TRIM32: variants seen among roughly 807,000 people sequenced by gnomAD.
The protein encoded by TRIM32 is E3 ubiquitin-protein ligase TRIM32.
In TRIM32, 19 loss-of-function variants were observed where a neutral mutation model predicts 36.0. The ratio of observed to expected loss-of-function variants is 0.53; its 90% CI spans 0.37 to 0.77. TRIM32 has a LOEUF of 0.77. Among genes scored for constraint, TRIM32 ranks in the 30% least tolerant of loss-of-function variants. The probability of loss-of-function intolerance (pLI) is 0.00; values close to 1 mark genes in which losing one functional copy is unlikely to be tolerated. For missense variants in TRIM32, 747 were observed against 845.2 expected, an observed-to-expected ratio of 0.88 and a Z score of 1.44; for synonymous variants, 309 against 318.5, an observed-to-expected ratio of 0.97 and a Z score of 0.32.
In TRIM32 at chr9:116,698,082, A is replaced by C. The variant is rs1244314148; in HGVS notation, c.340A>C (p.Ser114Arg). 6.2e-7 allele frequency: 1 copy of C among 1,613,976 alleles called. No homozygotes were observed. Among genetic ancestry groups the C allele is most frequent in the Non-Finnish European group, 8.5e-7 (1 of 1,180,014 alleles). The change falls in exon 2 of 2, where the codon AGC (serine) becomes CGC (arginine). Residue 114 changes from serine to arginine, a missense_variant. Transcript: ENST00000450136. The surrounding 1 kb of genome is among the most constrained non-coding windows in gnomAD (Gnocchi z 4.4). Reference sequence around the variant, plus strand: ...GCGTCTGCCCCGGCAATTCTGCCGGAGCTGTGGTTTGGTGTTATGTGAGCC... The same window carrying C: ...GCGTCTGCCCCGGCAATTCTGCCGGCGCTGTGGTTTGGTGTTATGTGAGCC... Reference protein sequence around the residue: ...GRRLPRQFCRSCGLVLCEPCR... With the variant: ...GRRLPRQFCRRCGLVLCEPCR...
chr9:116,699,143 C>CAAACCATGGGGTATCA lies in TRIM32; in HGVS notation c.1401_1402insAAACCATGGGGTATCA (p.Gln468LysfsTer37). ...GCCACTGCGTGGCCTGTCACAGGAG[C>CAAACCATGGGGTATCA]CAGCTGAGCAAACCATGGGGTATCA... On this transcript the variant is annotated frameshift_variant, in exon 2 of 2. Coordinates refer to ENST00000450136, the MANE Select transcript of TRIM32 (RefSeq NM_012210.4). LOFTEE classifies it high-confidence loss of function. This position sits in a 1 kb window ranked among gnomAD's most constrained non-coding sequence, Gnocchi z 4.2. The CAAACCATGGGGTATCA allele has an allele frequency of 6.2e-7, 1 of 1,614,218 alleles. No homozygotes were observed. Among genetic ancestry groups the CAAACCATGGGGTATCA allele is most frequent in the Non-Finnish European group, 8.5e-7 (1 of 1,180,036 alleles).
intron 1 of TRIM32, among the ~76,000 whole-genome samples, chr9:116,690,232 T>G (rs1860498052): frequency 6.6e-6 from 1 of 152,212 alleles, no homozygotes; most frequent in South Asian, 2.1e-4. Flanking sequence ...TTATAATTTG[T>G]TGAGTGCTTA....
chr9:116,695,831 G>A (rs1045843771), intron 1 of TRIM32, among the ~76,000 whole-genome samples: 1 of 152,102 alleles, frequency 6.6e-6, no homozygotes, highest in African/African-American at 2.4e-5. Flanking sequence ...GAGTGTTCAT[G>A]GTTTGTATTG....
intron 1 of TRIM32, among the ~76,000 whole-genome samples, chr9:116,694,459 C>CCTTTT (rs1860732299): frequency 3.4e-5 from 3 of 88,038 alleles, no homozygotes; most frequent in Non-Finnish European, 6.0e-5. Flanking sequence ...TGTAATTTCT[C>CCTTTT]TTTTTTTTTT....
Position 116,698,075 on chromosome 9 carries a change from C to G in TRIM32, c.333C>G (p.Phe111Leu), listed in dbSNP as rs772903453. ...RSCGRRLPRQ[F>L]CRSCGLVLCE... The stretch of plus-strand genomic sequence containing the variant: ...GTGGGCGGCGTCTGCCCCGGCAATT[C>G]TGCCGGAGCTGTGGTTTGGTGTTAT... The change falls in exon 2 of 2, where the codon TTC (phenylalanine) becomes TTG (leucine). Residue 111 changes from phenylalanine (F) to leucine (L), a missense_variant. Phe to Leu is a conservative substitution (Grantham distance 22). Coordinates refer to ENST00000450136, the MANE Select transcript of TRIM32 (RefSeq NM_012210.4). The surrounding 1 kb of genome is among the most constrained non-coding windows in gnomAD (Gnocchi z 4.4). 1.2e-6 allele frequency: 2 copies of G among 1,614,122 alleles called. No homozygotes were observed. The highest frequency in any genetic ancestry group is 1.7e-6 in the Non-Finnish European group (2 of 1,180,040).
Position 116,698,515 on chromosome 9 carries a change from C to T in TRIM32, c.773C>T (p.Ala258Val). ...GATGTAGCACTACTGGAGGAGACAGCTGATGAGGAGGAGCCAGAGCTCACT... is the reference window on the plus strand; with the variant it reads ...GATGTAGCACTACTGGAGGAGACAGTTGATGAGGAGGAGCCAGAGCTCACT... ...QADVALLEET[A>V]DEEEPELTAS... is the part of the protein sequence containing the mutation. Residue 258 changes from alanine (A) to valine (V), a missense_variant, in exon 2 of 2, where the codon GCT becomes GTT. Coordinates refer to ENST00000450136, the MANE Select transcript of TRIM32 (RefSeq NM_012210.4). This position sits in a 1 kb window ranked among gnomAD's most constrained non-coding sequence, Gnocchi z 4.4. 2 of 1,613,826 alleles carry T rather than the reference C, an allele frequency of 1.2e-6. No homozygotes were observed. Among genetic ancestry groups the T allele is most frequent in the East Asian group, 4.5e-5 (2 of 44,866 alleles).
Position 116,699,573 on chromosome 9 carries a change from C to G in TRIM32, c.1831C>G (p.Leu611Val). Residue 611 changes from leucine to valine, a missense_variant, in exon 2 of 2, where the codon CTT becomes GTT. Coordinates refer to ENST00000450136, the MANE Select transcript of TRIM32 (RefSeq NM_012210.4). This position sits in a 1 kb window ranked among gnomAD's most constrained non-coding sequence, Gnocchi z 4.2. ...HFPKGGGYSV[L>V]IREGLTCPVG... ...TCCTAAGGGTGGGGGCTATAGTGTCCTTATTCGAGAGGGACTTACCTGTCC... is the reference window on the plus strand; with the variant it reads ...TCCTAAGGGTGGGGGCTATAGTGTCGTTATTCGAGAGGGACTTACCTGTCC... The G allele has an allele frequency of 6.2e-7, 1 of 1,614,166 alleles. No homozygotes were observed. The highest frequency in any genetic ancestry group is 1.3e-5 in the African/African-American group (1 of 75,032).
chr9:116,699,245 A>G lies in TRIM32; in HGVS notation c.1503A>G (p.Gly501=), dbSNP rs1057524533. The G allele has an allele frequency of 2.5e-6, 4 of 1,614,198 alleles. No homozygotes were observed. Among genetic ancestry groups the G allele is most frequent in the Non-Finnish European group, 3.4e-6 (4 of 1,180,030 alleles). ...TTTGGTGTTTCACAGTTGATCGAGG[A>G]TCAGGGGTGGTCAAATACAGCTGCC... The part of the protein sequence containing the change: ...GKLWCFTVDR[G]SGVVKYSCLC... Residue 501 remains glycine (G), a synonymous_variant, in exon 2 of 2, where the codon GGA becomes GGG. Coordinates refer to ENST00000450136, the MANE Select transcript of TRIM32 (RefSeq NM_012210.4). This position sits in a 1 kb window ranked among gnomAD's most constrained non-coding sequence, Gnocchi z 4.2.
In TRIM32 at chr9:116,699,666, A is replaced by C. The variant is rs1350913102; in HGVS notation, c.1924A>C (p.Ile642Leu). ...VLDCWDHCIK[I>L]YSYHLRRYST... ...GGACTGTTGGGATCATTGCATCAAG[A>C]TCTACAGCTACCATCTGAGAAGATA... Residue 642 changes from isoleucine to leucine, a missense_variant, in exon 2 of 2, where the codon ATC (isoleucine) becomes CTC (leucine). Transcript: ENST00000450136. This position sits in a 1 kb window ranked among gnomAD's most constrained non-coding sequence, Gnocchi z 4.2. 6.2e-7 allele frequency: 1 copy of C among 1,613,992 alleles called. No individual in the cohort carries two copies. Among genetic ancestry groups the C allele is most frequent in the Non-Finnish European group, 8.5e-7 (1 of 1,180,026 alleles).
At chr9:116,695,004 C>T (rs1860772273) in intron 1 of TRIM32, among the ~76,000 whole-genome samples, 1 of 152,162 alleles carries the variant, frequency 6.6e-6, no homozygotes, top group African/African-American at 2.4e-5. Context: ...GCAGCAGAAT[C>T]TCATAACTAT....
At position 116,698,808 on chromosome 9, in the gene TRIM32, C is replaced by CTCTT; in HGVS notation, c.1070_1073dup (p.Lys359SerfsTer27). On this transcript the variant is annotated frameshift_variant, in exon 2 of 2. Coordinates refer to ENST00000450136, the MANE Select transcript of TRIM32 (RefSeq NM_012210.4). LOFTEE classifies it high-confidence loss of function. This position sits in a 1 kb window ranked among gnomAD's most constrained non-coding sequence, Gnocchi z 4.4. ...GGCAGCCTCCAATATCCAGCAGTGC[C>CTCTT]TCTTTCTCAAGAAGATGGGGGCCAA... is the stretch of plus-strand genomic sequence containing the variant. 1 of 1,614,222 alleles carries CTCTT rather than the reference C, an allele frequency of 6.2e-7. No homozygotes were observed. Among genetic ancestry groups the CTCTT allele is most frequent in the Non-Finnish European group, 8.5e-7 (1 of 1,180,038 alleles).
intron 1 of TRIM32, among the ~76,000 whole-genome samples, chr9:116,692,512 G>T (rs1446024771): frequency 4.6e-5 from 7 of 152,188 alleles, no homozygotes; most frequent in Non-Finnish European, 7.3e-5. Context: ...TTGTGAGGAA[G>T]ATACTATTTT....
intron 1 of TRIM32, among the ~76,000 whole-genome samples, chr9:116,692,990 A>G (rs1160685822): frequency 6.6e-6 from 1 of 152,178 alleles, no homozygotes; most frequent in African/African-American, 2.4e-5. Context: ...GGCATTCTCA[A>G]TCAAAACTCT....
At position 116,698,863 on chromosome 9, in the gene TRIM32, C is replaced by T; in HGVS notation, c.1121C>T (p.Pro374Leu). The T allele has an allele frequency of 6.2e-7, 1 of 1,614,224 alleles. No homozygotes were observed. The highest frequency in any genetic ancestry group is 8.5e-7 in the Non-Finnish European group (1 of 1,180,048). The change falls in exon 2 of 2, where the codon CCA (proline) becomes CTA (leucine). Residue 374 changes from proline (P) to leucine (L), a missense_variant. By Grantham distance (98) the Pro-to-Leu change is moderately conservative (BLOSUM62 -3). Coordinates refer to ENST00000450136, the MANE Select transcript of TRIM32 (RefSeq NM_012210.4). This position sits in a 1 kb window ranked among gnomAD's most constrained non-coding sequence, Gnocchi z 4.4. ...KGSTPGMFNL[P>L]VSLYVTSQGE... ...AGCACTCCAGGAATGTTCAATCTTC[C>T]AGTCAGTCTCTACGTGACCAGTCAA...
intron 1 of TRIM32, among the ~76,000 whole-genome samples, chr9:116,696,497 G>C (rs764047562): frequency 1.3e-5 from 2 of 151,900 alleles, no homozygotes; most frequent in African/African-American, 2.4e-5. Context: ...TTTATACTTT[G>C]TTAAGGTTGT....
In TRIM32 at chr9:116,697,828, A is replaced by G. The variant is rs757842932; in HGVS notation, c.86A>G (p.Glu29Gly). Residue 29 changes from glutamate (E) to glycine (G), a missense_variant, in exon 2 of 2, where the codon GAA becomes GGA. Coordinates refer to ENST00000450136, the MANE Select transcript of TRIM32 (RefSeq NM_012210.4). The stretch of plus-strand genomic sequence containing the variant: ...CCCATCTGCATGGAGTCCTTCACAG[A>G]AGAGCAGCTGCGTCCCAAGCTTCTG... ...ECPICMESFTEEQLRPKLLHC... is the reference protein window; with the variant it reads ...ECPICMESFTGEQLRPKLLHC... 3.7e-6 allele frequency: 6 copies of G among 1,614,186 alleles called. No individual in the cohort carries two copies. In the Admixed American group the frequency reaches 8.3e-5, roughly 22 times the overall value.
intron 1 of TRIM32, among the ~76,000 whole-genome samples, chr9:116,687,799 A>AT (rs1860347778): frequency 6.6e-6 from 1 of 151,666 alleles, no homozygotes; most frequent in South Asian, 2.1e-4. Flanking sequence ...ATTTGAGGAA[A>AT]TCTGGGGGCG....
intron 1 of TRIM32, among the ~76,000 whole-genome samples, chr9:116,689,586 C>T (rs1427023020): frequency 2.6e-5 from 4 of 152,138 alleles, no homozygotes; most frequent in Non-Finnish European, 5.9e-5. Flanking sequence ...TCTGTAACTC[C>T]GTATATTCCC....
rs949658602 is a variant in TRIM32 at position 116,698,056 on chromosome 9, G to A, written c.314G>A (p.Arg105Gln). The change falls in exon 2 of 2, where the codon CGG becomes CAG. Residue 105 changes from arginine (R) to glutamine (Q), a missense_variant. Arg to Gln is a conservative substitution (Grantham distance 43). Transcript: ENST00000450136. The surrounding 1 kb of genome is among the most constrained non-coding windows in gnomAD (Gnocchi z 4.4). ...CTGCTCATGTGTCGGTCCTGTGGGC[G>A]GCGTCTGCCCCGGCAATTCTGCCGG... ...VGLLMCRSCG[R>Q]RLPRQFCRSC... is the part of the protein sequence containing the mutation. The A allele has an allele frequency of 1.1e-5, 17 of 1,613,858 alleles. No homozygotes were observed. The African/African-American group carries it at 1.3e-4, about 13-fold the overall frequency.
Sources: gnomAD v4.1 joint callset for allele counts (sites outside exome capture counted in the v4.1 genomes callset) on GRCh38, gnomAD v4.1.1 for gene constraint, Gnocchi (gnomAD v3.1) non-coding constraint, MANE v1.5 for transcripts, NCBI Gene and HGNC (gene_info 2026-07-23, HGNC 2026-07-21) for gene names.